Variants in TUT7 observed in about 807,000 individuals in gnomAD.
TUT7 encodes terminal uridylyltransferase 7.
Under a neutral mutation model 165.9 loss-of-function variants are expected in TUT7, and 33 were observed. The observed-to-expected ratio is 0.20, with a 90% CI of 0.15 to 0.27. The LOEUF (loss-of-function observed/expected upper bound fraction) is 0.27, where lower values mean the gene tolerates loss of function less well. TUT7 is among the 10% of genes least tolerant of loss of function. The probability of loss-of-function intolerance (pLI) is 1.00; values close to 1 mark genes in which losing one functional copy is unlikely to be tolerated. For synonymous variants in TUT7, 552 were observed against 608.1 expected, an observed-to-expected ratio of 0.91 and a Z score of 1.36; for missense variants, 1,338 against 1,762.3, an observed-to-expected ratio of 0.76 and a Z score of 4.31.
chr9:86,297,256 C>G lies in TUT7; in HGVS notation c.4420+4020G>C, dbSNP rs10125271. On this transcript the variant is annotated intron_variant, in intron 26 of 26. Transcript: ENST00000375963. ...ATGCAATCACCACCACGAACCTTTT[C>G]CCTTTTCTCTGCTCTCACTATATGC... 1.6e-3 allele frequency among the ~76,000 whole-genome samples: 247 copies of G among 152,266 alleles called. 2 individuals carry two copies. Among genetic ancestry groups the G allele is most frequent in the African/African-American group, 5.5e-3 (227 of 41,556 alleles).
At position 86,322,213 on chromosome 9, in the gene TUT7, T is replaced by C. The variant is rs546289152; in HGVS notation, c.3028+112A>G. On this transcript the variant is annotated intron_variant, in intron 14 of 26. Coordinates refer to ENST00000375963, the MANE Select transcript of TUT7 (RefSeq NM_024617.4). ...CTTGAGGATACAATGGAGAATGGAA[T>C]AGACTTGGTCCCTAATAATGTTTAG... 1.0e-4 allele frequency: 96 copies of C among 933,388 alleles called. No individual in the cohort carries two copies. The South Asian group carries it at 1.6e-3, about 15-fold the overall frequency. The allele number at this position is 933,388 out of a possible 1,614,324, so 57.8% of individuals were successfully genotyped here. A position where few individuals can be genotyped will look rare whatever the true frequency, so the allele number is the denominator to read the frequency against.
chr9:86,347,724 A>C (rs1264626359), intron 2 of TUT7, among the ~76,000 whole-genome samples: 2 of 152,252 alleles, frequency 1.3e-5, no homozygotes, highest in East Asian at 1.9e-4. Flanking sequence ...AAAATCAATC[A>C]AAATACACTG....
At position 86,294,366 on chromosome 9, in the gene TUT7, A is replaced by G. The variant is rs181285725; in HGVS notation, c.4421-5622T>C. 4.0e-3 allele frequency among the ~76,000 whole-genome samples: 601 copies of G among 152,110 alleles called. 3 individuals are homozygous for G. The highest frequency in any genetic ancestry group is 0.014 in the African/African-American group (570 of 41,494). On this transcript the variant is annotated intron_variant, in intron 26 of 26. Transcript: ENST00000375963. ...ATGTAAATGCCTCTAATAAAAATCCAAATTTTTAGCTTTCATAAAATTACA... is the reference window on the plus strand; with the variant it reads ...ATGTAAATGCCTCTAATAAAAATCCGAATTTTTAGCTTTCATAAAATTACA...
intron 24 of TUT7, among the ~76,000 whole-genome samples, chr9:86,303,434 G>A (rs907804365): frequency 3.9e-5 from 6 of 152,056 alleles, no homozygotes; most frequent in South Asian, 2.1e-4. Context: ...CAGAGCACTC[G>A]TGAGCCCTAA....
intron 26 of TUT7, among the ~76,000 whole-genome samples, chr9:86,292,474 A>G (rs1437276443): frequency 1.3e-5 from 2 of 151,768 alleles, no homozygotes; most frequent in African/African-American, 4.8e-5. Context: ...GTCTCAAAAA[A>G]AAAAAAAAGG....
chr9:86,290,686 C>CAAA (rs749800073), intron 26 of TUT7, among the ~76,000 whole-genome samples: 71 of 54,734 alleles, frequency 1.3e-3, no homozygotes, highest in Non-Finnish European at 1.6e-3. Flanking sequence ...TACTAAAATA[C>CAAA]AAAAAAAAAA....
At chr9:86,308,095 G>A (rs192900047) in intron 22 of TUT7, among the ~76,000 whole-genome samples, 1 of 152,294 alleles carries the variant, frequency 6.6e-6, no homozygotes, top group Admixed American at 6.5e-5. Flanking sequence ...AATAGCGAAT[G>A]AAGATCTTGA....
At chr9:86,326,157 C>T (rs938967866) in intron 11 of TUT7, among the ~76,000 whole-genome samples, 4 of 152,202 alleles carry the variant, frequency 2.6e-5, no homozygotes, top group Non-Finnish European at 4.4e-5. Context: ...GATTCTGCCA[C>T]GTCATAGCTC....
At chr9:86,347,359 T>A (rs992469852) in intron 2 of TUT7, among the ~76,000 whole-genome samples, 8 of 152,232 alleles carry the variant, frequency 5.3e-5, no homozygotes, top group Non-Finnish European at 1.0e-4. Context: ...CATAAAAAAT[T>A]GTTTTAGATA....
intron 2 of TUT7, among the ~76,000 whole-genome samples, chr9:86,349,680 G>A (rs1832103642): frequency 6.6e-6 from 1 of 152,230 alleles, no homozygotes; most frequent in South Asian, 2.1e-4. Flanking sequence ...TCTCTTTAAT[G>A]AGATCCTTTT....
rs1365365704 is a variant in TUT7, at chr9:86,353,156, T to C, written c.44A>G (p.Asp15Gly). The change falls in exon 2 of 27, where the codon GAC becomes GGC. Residue 15 changes from aspartate to glycine, a missense_variant. Coordinates refer to ENST00000375963, the MANE Select transcript of TUT7 (RefSeq NM_024617.4). ...GTCATCATCATCCATAGTCCCCCGG[T>C]CTTTAGTGCGCTTCACGAAATAAGG... Reference protein sequence around the residue: ...AKPYFVKRTKDRGTMDDDDFR... With the variant: ...AKPYFVKRTKGRGTMDDDDFR... 3 of 1,601,540 alleles carry C rather than the reference T, an allele frequency of 1.9e-6. No individual in the cohort carries two copies. Among genetic ancestry groups the C allele is most frequent in the Non-Finnish European group, 2.6e-6 (3 of 1,176,468 alleles).
chr9:86,323,684 G>T lies in TUT7; in HGVS notation c.2066C>A (p.Thr689Asn). ...AAGAGTAAGTGGCTGTACCTTACAG[G>T]TATTTGCAGCTGAACTGGTAGCACC... is the stretch of plus-strand genomic sequence containing the variant. ...GPGATSSAAN[T>N]CKVQPLTLKE... Residue 689 changes from threonine to asparagine, a missense_variant, in exon 13 of 27, where the codon ACC becomes AAC. Thr to Asn is a moderately conservative substitution (Grantham distance 65, BLOSUM62 0). Around this residue, in one of 7 missense-constraint regions of TUT7, gnomAD observed 425 missense variants for 474.9 expected, o/e 0.89. Transcript: ENST00000375963. 3 of 1,614,152 alleles carry T rather than the reference G, an allele frequency of 1.9e-6. No homozygotes were observed. The highest frequency in any genetic ancestry group is 2.5e-6 in the Non-Finnish European group (3 of 1,179,988).
At chr9:86,301,224 G>T in intron 26 of TUT7, 52 bp downstream of exon 26, 1 of 1,480,564 alleles carries the variant, frequency 6.8e-7, no homozygotes, top group Non-Finnish European at 9.2e-7. Context: ...CTAAAAAGCA[G>T]ATTTCCCTTG....
chr9:86,343,003 TAGAC>T (rs1482704478), intron 6 of TUT7, 68 bp downstream of exon 6: 6 of 999,500 alleles, frequency 6.0e-6, no homozygotes, highest in Non-Finnish European at 7.7e-6. Flanking sequence ...AATATATTCA[TAGAC>T]AGTTTACATT....
At chr9:86,338,274 C>T (rs1685127905) in intron 9 of TUT7, among the ~76,000 whole-genome samples, 1 of 149,168 alleles carries the variant, frequency 6.7e-6, no homozygotes, top group Non-Finnish European at 1.5e-5. Context: ...TGCAGTGGCA[C>T]GATCTTGGCT....
At chr9:86,293,890 C>A (rs1461920839) in intron 26 of TUT7, among the ~76,000 whole-genome samples, 1 of 152,022 alleles carries the variant, frequency 6.6e-6, no homozygotes, top group African/African-American at 2.4e-5. Flanking sequence ...GGATTATAGG[C>A]GCACACCAGT....
chr9:86,300,192 A>C (rs1564027006), intron 26 of TUT7, among the ~76,000 whole-genome samples: 1 of 152,324 alleles, frequency 6.6e-6, no homozygotes, highest in Non-Finnish European at 1.5e-5. Flanking sequence ...ATAGATAAAA[A>C]TTTTTAAGTA....
At chr9:86,294,244 C>G (rs1272627357) in intron 26 of TUT7, among the ~76,000 whole-genome samples, 2 of 124,190 alleles carry the variant, frequency 1.6e-5, no homozygotes, top group Non-Finnish European at 3.3e-5. Context: ...CCTAACCAGC[C>G]AAATCCTACT....
intron 26 of TUT7, among the ~76,000 whole-genome samples, chr9:86,291,472 G>A (rs556180949): frequency 6.6e-5 from 10 of 151,776 alleles, no homozygotes; most frequent in Non-Finnish European, 1.0e-4. Context: ...TCGAGAGACA[G>A]GAGGCAGGAG....
Sources: allele counts gnomAD v4.1 joint callset (sites outside exome capture counted in the v4.1 genomes callset), GRCh38; gene constraint gnomAD v4.1.1; regional missense constraint gnomAD v4.1.1; transcripts MANE v1.5; gene names NCBI Gene and HGNC (gene_info 2026-07-23, HGNC 2026-07-21).